EVI5L: variants seen among roughly 807,000 people sequenced by gnomAD.
EVI5L encodes ecotropic viral integration site 5 like.
Under a neutral mutation model 106.1 loss-of-function variants are expected in EVI5L, and 30 were observed. The ratio of observed to expected loss-of-function variants is 0.28; its 90% CI spans 0.21 to 0.38. The LOEUF is 0.38. Among genes scored for constraint, EVI5L ranks in the 10% least tolerant of loss-of-function variants. The pLI is 1.00. For missense variants in EVI5L, 809 were observed against 1,098.0 expected, an observed-to-expected ratio of 0.74 and a Z score of 3.72; for synonymous variants, 489 against 483.3, an observed-to-expected ratio of 1.01 and a Z score of -0.15.
intron 1 of EVI5L, among the ~76,000 whole-genome samples, chr19:7,833,406 C>T (rs1268259772): frequency 1.3e-5 from 2 of 152,246 alleles, no homozygotes; most frequent in Non-Finnish European, 1.5e-5. Flanking sequence ...CTCCCCAAAA[C>T]TCGGAGGAAC....
chr19:7,849,346 G>C lies in EVI5L; in HGVS notation c.627+16G>C. On this transcript the variant is annotated intron_variant, in intron 5 of 19. Coordinates refer to ENST00000538904, the MANE Select transcript of EVI5L (RefSeq NM_001159944.3). ...CCTCATGCAGGTAGGTGGCTGGGGGGTGGCTGGGCTCCTGCCAGACAACAG... is the reference window on the plus strand; with the variant it reads ...CCTCATGCAGGTAGGTGGCTGGGGGCTGGCTGGGCTCCTGCCAGACAACAG... 1 of 1,613,544 alleles carries C rather than the reference G, an allele frequency of 6.2e-7. No individual in the cohort carries two copies. Among genetic ancestry groups the C allele is most frequent in the Non-Finnish European group, 8.5e-7 (1 of 1,179,908 alleles).
chr19:7,863,258 A>G lies in EVI5L; in HGVS notation c.2117A>G (p.Gln706Arg), dbSNP rs1250465435. ...CAGTACATCCGCGAGCTCAAGGACC[A>G]GATCGAGGAGCTGAAGGCCGAGGTG... ...SSQYIRELKD[Q>R]IEELKAEVRL... is the part of the protein sequence containing the mutation. The change falls in exon 19 of 20, where the codon CAG becomes CGG. Residue 706 changes from glutamine (Q) to arginine (R), a missense_variant. Physicochemically the swap from Gln to Arg is conservative, Grantham distance 43. This residue lies in a region of EVI5L where 452 missense variants were observed against 509.9 expected (regional missense o/e 0.89). Transcript: ENST00000538904. This position sits in a 1 kb window ranked among gnomAD's most constrained non-coding sequence, Gnocchi z 7.7. 7.1e-6 allele frequency: 11 copies of G among 1,559,010 alleles called. No individual in the cohort carries two copies. Among genetic ancestry groups the G allele is most frequent in the Non-Finnish European group, 9.6e-6 (11 of 1,151,662 alleles).
chr19:7,847,110 G>C (rs932897673), intron 2 of EVI5L, among the ~76,000 whole-genome samples: 4 of 152,266 alleles, frequency 2.6e-5, no homozygotes, highest in African/African-American at 9.6e-5. Context: ...TGGCCAACAT[G>C]GTGAAATCCT....
In EVI5L at chr19:7,858,176, C is replaced by T; in HGVS notation, c.1234-15C>T. On this transcript the variant is annotated splice_polypyrimidine_tract_variant and intron_variant, in intron 12 of 19. Coordinates refer to ENST00000538904, the MANE Select transcript of EVI5L (RefSeq NM_001159944.3). This position sits in a 1 kb window ranked among gnomAD's most constrained non-coding sequence, Gnocchi z 5.7. ...GTCACGGCCTCCCCCTGCCCCCTGTCCTCGCTGTTCTCAGGGGCAAGTGAC... is the reference window on the plus strand; with the variant it reads ...GTCACGGCCTCCCCCTGCCCCCTGTTCTCGCTGTTCTCAGGGGCAAGTGAC... 1 of 1,552,632 alleles carries T rather than the reference C, an allele frequency of 6.4e-7. No homozygotes were observed. Among genetic ancestry groups the T allele is most frequent in the Non-Finnish European group, 8.7e-7 (1 of 1,148,182 alleles).
rs1395405903 is a variant in EVI5L at position 7,858,205 on chromosome 19, G to A, written c.1248G>A (p.Arg416=). 2 of 1,564,992 alleles carry A rather than the reference G, an allele frequency of 1.3e-6. No individual in the cohort carries two copies. Among genetic ancestry groups the A allele is most frequent in the Non-Finnish European group, 8.7e-7 (1 of 1,154,994 alleles). The change falls in exon 13 of 20, where the codon CGG becomes CGA. Residue 416 remains arginine, a synonymous_variant. Transcript: ENST00000538904. The surrounding 1 kb of genome is among the most constrained non-coding windows in gnomAD (Gnocchi z 5.7). ...ADRLIQGQVT[R]AQEAEENYVI... The stretch of plus-strand genomic sequence containing the variant: ...GCTGTTCTCAGGGGCAAGTGACACG[G>A]GCGCAGGAGGCGGAGGAGAACTACG...
In EVI5L at chr19:7,860,605, C is replaced by T. The variant is rs201585640; in HGVS notation, c.1419C>T (p.Thr473=). ...LTEDFVSHLE[T]ELEQSRLRET... ...AAGACTTCGTGTCCCACCTGGAGAC[C>T]GAGCTGGAGCAGTCGAGGCTGCGGG... Residue 473 remains threonine, a synonymous_variant, in exon 14 of 20, where the codon ACC becomes ACT. Transcript: ENST00000538904. 8.1e-6 allele frequency: 13 copies of T among 1,601,118 alleles called. No homozygotes were observed. The highest frequency in any genetic ancestry group is 3.4e-5 in the Admixed American group (2 of 58,396).
chr19:7,842,694 T>C (rs1361852527), intron 1 of EVI5L, among the ~76,000 whole-genome samples: 1 of 151,830 alleles, frequency 6.6e-6, no homozygotes, highest in Non-Finnish European at 1.5e-5. Flanking sequence ...GCAAATTGTG[T>C]ATCAAGTGTG....
Position 7,853,145 on chromosome 19 carries a change from A to G in EVI5L, c.1047A>G (p.Lys349=). 1 of 1,614,052 alleles carries G rather than the reference A, an allele frequency of 6.2e-7. No homozygotes were observed. The highest frequency in any genetic ancestry group is 2.2e-5 in the East Asian group (1 of 44,884). The part of the protein sequence containing the change: ...FDSCPDKLVL[K]AYQVKYNPKK... ...GCTGCCCGGACAAGCTGGTCCTCAA[A>G]GCCTACCAGGTCAAGTACAACCCCA... Residue 349 remains lysine, a synonymous_variant, in exon 9 of 20, where the codon AAA becomes AAG. Transcript: ENST00000538904.
intron 1 of EVI5L, among the ~76,000 whole-genome samples, chr19:7,833,511 G>A (rs779787900): frequency 3.3e-5 from 5 of 152,226 alleles, no homozygotes; most frequent in South Asian, 2.1e-4. Context: ...ATGGGAGCCC[G>A]GAAAAAAAGC....
rs977390935 is a variant in EVI5L, at chr19:7,857,451, T to C, written c.1233+327T>C. 7.6e-6 allele frequency: 4 copies of C among 525,618 alleles called. No homozygotes were observed. The highest frequency in any genetic ancestry group is 5.2e-4 in the Middle Eastern group (1 of 1,916). The allele number at this position is 525,618 out of a possible 1,614,324, so 32.6% of individuals were successfully genotyped here. ...CTAAAACCATATTCACATAAGGCCCTGGTGTGTGCAGTGCTGCGGTCACAC... is the reference window on the plus strand; with the variant it reads ...CTAAAACCATATTCACATAAGGCCCCGGTGTGTGCAGTGCTGCGGTCACAC... On this transcript the variant is annotated intron_variant, in intron 12 of 19. Transcript: ENST00000538904. This position sits in a 1 kb window ranked among gnomAD's most constrained non-coding sequence, Gnocchi z 4.5.
rs112280746 is a variant in EVI5L, at chr19:7,840,948, G to A, written c.-47-5548G>A. Reference sequence around the variant, plus strand: ...GAACAGATGTTTGCCGTTCTCTTGCGTTGAGCCCTACGAGTGGATTTGCCA... The same window carrying A: ...GAACAGATGTTTGCCGTTCTCTTGCATTGAGCCCTACGAGTGGATTTGCCA... On this transcript the variant is annotated intron_variant, in intron 1 of 19. Coordinates refer to ENST00000538904, the MANE Select transcript of EVI5L (RefSeq NM_001159944.3). 9.5e-3 allele frequency among the ~76,000 whole-genome samples: 1,449 copies of A among 152,290 alleles called. 23 individuals are homozygous for A. The highest frequency in any genetic ancestry group is 0.032 in the African/African-American group (1,343 of 41,548).
chr19:7,853,984 C>T (rs771581696), intron 10 of EVI5L, among the ~76,000 whole-genome samples: 1 of 152,162 alleles, frequency 6.6e-6, no homozygotes, highest in Non-Finnish European at 1.5e-5. Flanking sequence ...TAGTTATTTA[C>T]TCAACAAGCA....
chr19:7,846,818 C>T, intron 2 of EVI5L, 139 bp downstream of exon 2: 1 of 1,169,630 alleles, frequency 8.5e-7, no homozygotes, highest in South Asian at 1.6e-5. Flanking sequence ...GGATGAGGGA[C>T]AGACACCTCC....
rs146356394 is a variant in EVI5L at position 7,851,692 on chromosome 19, C to G, written c.909C>G (p.Ile303Met). Residue 303 changes from isoleucine to methionine, a missense_variant, in exon 8 of 20, where the codon ATC becomes ATG. Physicochemically the swap from Ile to Met is conservative, Grantham distance 10 (BLOSUM62 1). This residue lies in a region of EVI5L where 357 missense variants were observed against 588.1 expected (regional missense o/e 0.61). Coordinates refer to ENST00000538904, the MANE Select transcript of EVI5L (RefSeq NM_001159944.3). ...FDIFMYEGLE[I>M]VFRVGLALLQ... ...TGCCGCCTTTGCAGGGGCTGGAGAT[C>G]GTGTTCCGAGTGGGCCTCGCCCTGC... 2 of 1,577,454 alleles carry G rather than the reference C, an allele frequency of 1.3e-6. No homozygotes were observed. Among genetic ancestry groups the G allele is most frequent in the Admixed American group, 1.9e-5 (1 of 51,648 alleles).
chr19:7,846,693 TG>T lies in EVI5L; in HGVS notation c.137+19del, dbSNP rs751529339. ...AGAGCAGAACCGGTGAGTTGGGGGC[TG>T]GGGGATGGGGTGAAATCTTGGGGTG... On this transcript the variant is annotated intron_variant, in intron 2 of 19. Transcript: ENST00000538904. The T allele has an allele frequency of 8.8e-4, 1,423 of 1,608,074 alleles. 2 individuals carry two copies. Among genetic ancestry groups the T allele is most frequent in the Non-Finnish European group, 1.1e-3 (1,307 of 1,177,892 alleles).
rs190182964 is a variant in EVI5L at position 7,848,215 on chromosome 19, G to A, written c.327+294G>A. ...CGCCTGGAATCTCAGCACTTTGGGC[G>A]GCCAAGGTGGGAGGATCGCTTGAGG... On this transcript the variant is annotated intron_variant, in intron 3 of 19. Coordinates refer to ENST00000538904, the MANE Select transcript of EVI5L (RefSeq NM_001159944.3). The surrounding 1 kb of genome is among the most constrained non-coding windows in gnomAD (Gnocchi z 4.8). Among the ~76,000 whole-genome samples, 532 of 152,292 alleles carry A rather than the reference G, an allele frequency of 3.5e-3. 4 individuals carry two copies. The highest frequency in any genetic ancestry group is 0.024 in the South Asian group (118 of 4,828).
At chr19:7,833,251 G>T (rs1018091882) in intron 1 of EVI5L, among the ~76,000 whole-genome samples, 1 of 152,246 alleles carries the variant, frequency 6.6e-6, no homozygotes, top group Non-Finnish European at 1.5e-5. Context: ...TGGGCCTGGA[G>T]TCAGATGTTG....
rs1051970437 is a variant in EVI5L at position 7,856,290 on chromosome 19, C to T, written c.1200+222C>T. Among the ~76,000 whole-genome samples, 1 of 152,066 alleles carries T rather than the reference C, an allele frequency of 6.6e-6. No individual in the cohort carries two copies. The highest frequency in any genetic ancestry group is 1.5e-5 in the Non-Finnish European group (1 of 68,002). On this transcript the variant is annotated intron_variant, in intron 11 of 19. Transcript: ENST00000538904. This position sits in a 1 kb window ranked among gnomAD's most constrained non-coding sequence, Gnocchi z 6.6. ...TTAATCCTGGAGTGGGGGCGAGTTACAACCCAGTGGCCTGCAGCCACGGGA... is the reference window on the plus strand; with the variant it reads ...TTAATCCTGGAGTGGGGGCGAGTTATAACCCAGTGGCCTGCAGCCACGGGA...
chr19:7,858,120 C>T lies in EVI5L; in HGVS notation c.1234-71C>T, dbSNP rs879705400. On this transcript the variant is annotated intron_variant, in intron 12 of 19. Coordinates refer to ENST00000538904, the MANE Select transcript of EVI5L (RefSeq NM_001159944.3). The surrounding 1 kb of genome is among the most constrained non-coding windows in gnomAD (Gnocchi z 5.7). ...CCACTCTCTGGGCCTCCCCCTGTGG[C>T]GGGAGGCAGGGCCTTGGGTGGGAGC... is the stretch of plus-strand genomic sequence containing the variant. 2.3e-5 allele frequency: 34 copies of T among 1,507,714 alleles called. No individual in the cohort carries two copies. Among genetic ancestry groups the T allele is most frequent in the South Asian group, 1.2e-4 (9 of 77,932 alleles). 93.4% of individuals were successfully genotyped at this position (1,507,714 alleles called of 1,614,324 possible). A position where few individuals can be genotyped will look rare whatever the true frequency, so the allele number is the denominator to read the frequency against.
Sources: gnomAD v4.1 joint callset for allele counts (sites outside exome capture counted in the v4.1 genomes callset) on GRCh38, gnomAD v4.1.1 for gene constraint, gnomAD v4.1.1 regional missense constraint, Gnocchi (gnomAD v3.1) non-coding constraint, MANE v1.5 for transcripts, NCBI Gene and HGNC (gene_info 2026-07-23, HGNC 2026-07-21) for gene names.